The following C14orf93 variants were observed in gnomAD, a reference collection of about 807,000 sequenced individuals.
The protein encoded by C14orf93 is uncharacterized protein C14orf93.
C14orf93 carries 23 observed loss-of-function variants against 44.0 expected under a neutral mutation model. That is an observed-to-expected ratio of 0.52 (90% CI 0.38 to 0.74). The LOEUF is 0.74. Ranked by LOEUF, C14orf93 falls within the 30% of genes least tolerant of loss-of-function variation. The pLI is 0.00. For missense variants in C14orf93, 579 were observed against 678.9 expected (o/e 0.85, Z 1.64); for synonymous variants, 253 against 265.7 (o/e 0.95, Z 0.46).
chr14:23,002,408 C>T (rs1301570798), intron 1 of C14orf93, among the ~76,000 whole-genome samples: 1 of 148,666 alleles, frequency 6.7e-6, no homozygotes, highest in African/African-American at 2.5e-5. Flanking sequence ...GCCGAGATCA[C>T]GCCACTGCAC....
chr14:22,988,100 A>ACAG, intron 5 of C14orf93, 85 bp from the exon 6 acceptor site: 1 of 870,666 alleles, frequency 1.1e-6, no homozygotes, highest in South Asian at 1.5e-5. Context: ...AACACTATTG[A>ACAG]ATGGGAGGTT....
intron 1 of C14orf93, among the ~76,000 whole-genome samples, chr14:23,002,998 G>A (rs937541561): frequency 1.3e-5 from 2 of 152,112 alleles, no homozygotes; most frequent in South Asian, 2.1e-4. Flanking sequence ...CTTCTATGAC[G>A]CAAATTAGAA....
chr14:22,994,754 T>A (rs2045872935), intron 3 of C14orf93, among the ~76,000 whole-genome samples: 1 of 151,922 alleles, frequency 6.6e-6, no homozygotes, highest in African/African-American at 2.4e-5. Flanking sequence ...AAAAAGAAGT[T>A]TTTGGGTACA....
chr14:22,987,824 T>C lies in C14orf93; in HGVS notation c.1197+79A>G. 10 of 1,298,830 alleles carry C rather than the reference T, an allele frequency of 7.7e-6. No individual in the cohort carries two copies. In the South Asian group the frequency reaches 1.2e-4, roughly 15 times the overall value. 80.5% of individuals were successfully genotyped at this position (1,298,830 alleles called of 1,614,324 possible). ...TTCCTGGCTCTCAACCCTATTCTCA[T>C]ATGCCATGTCCTCTGGCCCTTCCCA... On this transcript the variant is annotated intron_variant, in intron 6 of 6. Transcript: ENST00000299088. This position sits in a 1 kb window ranked among gnomAD's most constrained non-coding sequence, Gnocchi z 5.6.
intron 1 of C14orf93, among the ~76,000 whole-genome samples, chr14:23,004,766 A>G (rs1380008098): frequency 2.6e-5 from 4 of 151,966 alleles, no homozygotes; most frequent in Non-Finnish European, 5.9e-5. Context: ...TAAAAATACA[A>G]AATTAGCTGG....
chr14:23,005,490 A>G (rs2046579005), intron 1 of C14orf93: 1 of 152,150 alleles, frequency 6.6e-6, no homozygotes, highest in East Asian at 1.9e-4. Context: ...AAAAGAGGAG[A>G]CACCAGTATA....
intron 3 of C14orf93, among the ~76,000 whole-genome samples, chr14:22,991,252 C>A (rs1339433265): frequency 6.6e-6 from 1 of 150,912 alleles, no homozygotes. Context: ...GCCAGCCGGG[C>A]GCGGTGGCTC....
intron 1 of C14orf93, among the ~76,000 whole-genome samples, chr14:23,008,517 ATTT>A (rs900427156): frequency 1.4e-5 from 2 of 147,866 alleles, no homozygotes; most frequent in Non-Finnish European, 3.0e-5. Context: ...TCTACAGTAG[ATTT>A]TTTTTTTTGT....
At position 22,987,560 on chromosome 14, in the gene C14orf93, C is replaced by G. The variant is rs1190345508; in HGVS notation, c.1272G>C (p.Glu424Asp). The G allele has an allele frequency of 6.2e-6, 10 of 1,614,106 alleles. No homozygotes were observed. Among genetic ancestry groups the G allele is most frequent in the Non-Finnish European group, 8.5e-6 (10 of 1,179,992 alleles). The part of the protein sequence containing the change: ...EDQRLWNDVT[E>D]ELMSDEEDSL... ...TGTCCTCTTCATCTGACATCAGTTC[C>G]TCTGTCACATCATTCCACAGACGTT... Residue 424 changes from glutamate (E) to aspartate (D), a missense_variant, in exon 7 of 7, where the codon GAG becomes GAC. Transcript: ENST00000299088. This position sits in a 1 kb window ranked among gnomAD's most constrained non-coding sequence, Gnocchi z 5.6.
At chr14:23,004,059 G>GC (rs2046501221) in intron 1 of C14orf93, among the ~76,000 whole-genome samples, 1 of 141,478 alleles carries the variant, frequency 7.1e-6, no homozygotes. Flanking sequence ...ACAGGCATGT[G>GC]CCACCACTCC....
intron 5 of C14orf93, among the ~76,000 whole-genome samples, chr14:22,989,330 T>G (rs976534919): frequency 1.3e-5 from 2 of 152,132 alleles, no homozygotes; most frequent in African/African-American, 2.4e-5. Context: ...TCATAATACT[T>G]CAGGGTTAGC....
At position 22,999,140 on chromosome 14, in the gene C14orf93, G is replaced by A; in HGVS notation, c.-117C>T. ...AATGAGGATGGTCAGAGGAGCCCAGGCCCCAAGCTGTAGGGTCTGTGAAAG... is the reference window on the plus strand; with the variant it reads ...AATGAGGATGGTCAGAGGAGCCCAGACCCCAAGCTGTAGGGTCTGTGAAAG... On this transcript the variant is annotated 5_prime_UTR_variant, in exon 2 of 7. Transcript: ENST00000299088. The A allele has an allele frequency of 2.7e-6, 4 of 1,456,372 alleles. No individual in the cohort carries two copies. Among genetic ancestry groups the A allele is most frequent in the Non-Finnish European group, 3.6e-6 (4 of 1,096,190 alleles). The allele number at this position is 1,456,372 out of a possible 1,614,324, so 90.2% of individuals were successfully genotyped here.
At chr14:23,009,847 A>T (rs981572585) in intron 1 of C14orf93, among the ~76,000 whole-genome samples, 2 of 152,110 alleles carry the variant, frequency 1.3e-5, no homozygotes, top group African/African-American at 4.8e-5. Flanking sequence ...AATGTGATTT[A>T]AAAAAAAGAA....
At position 22,996,242 on chromosome 14, in the gene C14orf93, C is replaced by T. The variant is rs767620937; in HGVS notation, c.624G>A (p.Glu208=). 2 of 1,567,298 alleles carry T rather than the reference C, an allele frequency of 1.3e-6. No homozygotes were observed. Among genetic ancestry groups the T allele is most frequent in the Non-Finnish European group, 8.7e-7 (1 of 1,151,694 alleles). ...NPLVDDYVAS[E]GAVQRVLVPA... ...GGACCAGAACTCGCTGTACTGCACC[C>T]TCAGAGGCCACGTAATCATCCACCA... The change falls in exon 3 of 7, where the codon GAG becomes GAA. Residue 208 remains glutamate (E), a synonymous_variant. Coordinates refer to ENST00000299088, the MANE Select transcript of C14orf93 (RefSeq NM_021944.4). This position sits in a 1 kb window ranked among gnomAD's most constrained non-coding sequence, Gnocchi z 4.1.
chr14:22,990,115 T>C lies in C14orf93; in HGVS notation c.931A>G (p.Asn311Asp), dbSNP rs2045504719. 1.2e-6 allele frequency: 2 copies of C among 1,613,292 alleles called. No individual in the cohort carries two copies. Among genetic ancestry groups the C allele is most frequent in the Non-Finnish European group, 8.5e-7 (1 of 1,179,542 alleles). ...RDLVLSKLVH[N>D]VHNHITNDKR... ...TCATTGGTGATGTGGTTATGCACAT[T>C]GTGGACCAGTTTCTAGGAGGAAAAA... is the stretch of plus-strand genomic sequence containing the variant. The change falls in exon 4 of 7, where the codon AAT (asparagine) becomes GAT (aspartate). Residue 311 changes from asparagine to aspartate, a missense_variant. Asn to Asp is a conservative substitution (Grantham distance 23). Coordinates refer to ENST00000299088, the MANE Select transcript of C14orf93 (RefSeq NM_021944.4).
intron 5 of C14orf93, among the ~76,000 whole-genome samples, chr14:22,988,269 G>A (rs971197655): frequency 1.3e-5 from 2 of 152,098 alleles, no homozygotes; most frequent in African/African-American, 4.8e-5. Context: ...GAGTAGCTGG[G>A]ATTACAGGCA....
At chr14:23,003,033 C>T (rs550971172) in intron 1 of C14orf93, among the ~76,000 whole-genome samples, 1 of 152,316 alleles carries the variant, frequency 6.6e-6, no homozygotes, top group African/African-American at 2.4e-5. Context: ...TTGTAATTTA[C>T]TTGCTATCAT....
At chr14:23,009,537 GTAAT>G (rs1421179774) in intron 1 of C14orf93, among the ~76,000 whole-genome samples, 2 of 152,100 alleles carry the variant, frequency 1.3e-5, no homozygotes, top group Admixed American at 1.3e-4. Context: ...AAGACACACT[GTAAT>G]TAAGGTCTTT....
Position 22,998,874 on chromosome 14 carries a change from T to C in C14orf93, c.150A>G (p.Gly50=). 1 of 1,613,936 alleles carries C rather than the reference T, an allele frequency of 6.2e-7. No individual in the cohort carries two copies. Residue 50 remains glycine (G), a synonymous_variant, in exon 2 of 7, where the codon GGA becomes GGG. Transcript: ENST00000299088. ...CTGAGCTCTGAACAGCCAAGCCATG[T>C]CCAGTCACTGTGATGGGGGTGCTGG... ...PPPSTPITVT[G]HGLAVQSSEQ... is the part of the protein sequence containing the mutation.
Sources: allele counts gnomAD v4.1 joint callset (sites outside exome capture counted in the v4.1 genomes callset), GRCh38; gene constraint gnomAD v4.1.1; non-coding constraint Gnocchi (gnomAD v3.1); transcripts MANE v1.5; gene names NCBI Gene and HGNC (gene_info 2026-07-23, HGNC 2026-07-21).